Variants in CFAP43 observed in about 807,000 individuals in gnomAD.
The protein encoded by CFAP43 is cilia- and flagella-associated protein 43.
In CFAP43, 155 loss-of-function variants were observed where a neutral mutation model predicts 218.9. That is an observed-to-expected ratio of 0.71 (90% confidence interval 0.62 to 0.81). The LOEUF is 0.81. CFAP43 is among the 30% of genes least tolerant of loss of function. The probability of loss-of-function intolerance (pLI) is 0.00; values close to 1 mark genes in which losing one functional copy is unlikely to be tolerated. For synonymous variants in CFAP43, 645 were observed against 681.3 expected (o/e 0.95, Z 0.83); for missense variants, 1,778 against 1,954.3 (o/e 0.91, Z 1.70).
intron 20 of CFAP43, among the ~76,000 whole-genome samples, chr10:104,172,043 C>CAGTGAGTACAGGAAGAAAGATTTCA (rs1388576722): frequency 1.3e-5 from 2 of 152,176 alleles, no homozygotes; most frequent in Non-Finnish European, 2.9e-5. Flanking sequence ...GTAGAAGGAT[C>CAGTGAGTACAGGAAGAAAGATTTCA]AGTGAGTACA....
In CFAP43 at chr10:104,129,909, G is replaced by T; in HGVS notation, c.*230C>A. 1 of 420,708 alleles carries T rather than the reference G, an allele frequency of 2.4e-6. No individual in the cohort carries two copies. The highest frequency in any genetic ancestry group is 4.1e-6 in the Non-Finnish European group (1 of 243,422). The allele number at this position is 420,708 out of a possible 1,614,324, so 26.1% of individuals were successfully genotyped here. On this transcript the variant is annotated 3_prime_UTR_variant, in exon 38 of 38. Transcript: ENST00000357060. ...TGAATACTTTCTGACTTCAAGTCTT[G>T]TTTATTCTTGAATAAAAACAGCAAT...
chr10:104,203,902 C>T, intron 7 of CFAP43, 99 bp from the exon 8 acceptor site: 1 of 1,079,924 alleles, frequency 9.3e-7, no homozygotes, highest in South Asian at 2.5e-5. Context: ...ACTTCTACTG[C>T]TTATTTGGAA....
chr10:104,177,168 A>AGGGGGTCCTGGTAG (rs2089660074), intron 19 of CFAP43, among the ~76,000 whole-genome samples: 1 of 152,212 alleles, frequency 6.6e-6, no homozygotes, highest in Non-Finnish European at 1.5e-5. Context: ...ACATGGAAGA[A>AGGGGGTCCTGGTAG]GAAAACACCT....
chr10:104,217,835 C>T (rs566539680), intron 3 of CFAP43, among the ~76,000 whole-genome samples: 2 of 152,136 alleles, frequency 1.3e-5, no homozygotes, highest in Admixed American at 6.6e-5. Context: ...AGGAAGGGGA[C>T]TTTCTCTCAA....
chr10:104,152,875 T>C (rs558857961), intron 27 of CFAP43, 149 bp from the exon 28 acceptor site: 170 of 772,546 alleles, frequency 2.2e-4, no homozygotes, highest in Middle Eastern at 1.9e-3. Flanking sequence ...CCAGAGATGC[T>C]CCCACTTGGA....
chr10:104,209,505 T>G (rs78224674), intron 5 of CFAP43, among the ~76,000 whole-genome samples: 68 of 152,346 alleles, frequency 4.5e-4, no homozygotes, highest in African/African-American at 1.5e-3. Context: ...ATGTCTATTA[T>G]GAGCATTTTA....
Position 104,212,100 on chromosome 10 carries a change from G to GA in CFAP43, c.641dup (p.Gln216ProfsTer34). On this transcript the variant is annotated frameshift_variant, in exon 5 of 38. Transcript: ENST00000357060. LOFTEE classifies it high-confidence loss of function. ...TGAGATCTTTCGGCAACGACTGGGG[G>GA]AAAACGACATCCGTTTCATTAAAAA... is the stretch of plus-strand genomic sequence containing the variant. 6.2e-7 allele frequency: 1 copy of GA among 1,613,912 alleles called. No homozygotes were observed. Among genetic ancestry groups the GA allele is most frequent in the Non-Finnish European group, 8.5e-7 (1 of 1,179,942 alleles).
Position 104,203,608 on chromosome 10 carries a change from T to C in CFAP43, c.1095+64A>G, listed in dbSNP as rs1429601326. 7 of 1,469,722 alleles carry C rather than the reference T, an allele frequency of 4.8e-6. No individual in the cohort carries two copies. In the Admixed American group the frequency reaches 8.1e-5, roughly 17 times the overall value. The allele number at this position is 1,469,722 out of a possible 1,614,324, so 91.0% of individuals were successfully genotyped here. A position where few individuals can be genotyped will look rare whatever the true frequency, so the allele number is the denominator to read the frequency against. ...CAGCATACTCTGCTCCTCATTCCTG[T>C]CATGTAATGATGATAATAATACTAT... On this transcript the variant is annotated intron_variant, in intron 8 of 37. Coordinates refer to ENST00000357060, the MANE Select transcript of CFAP43 (RefSeq NM_025145.7).
At chr10:104,197,547 A>AAAT (rs1474991918) in intron 9 of CFAP43, among the ~76,000 whole-genome samples, 3 of 152,260 alleles carry the variant, frequency 2.0e-5, no homozygotes, top group Admixed American at 6.5e-5. Flanking sequence ...GATACTAAAT[A>AAAT]AATACTAACA....
chr10:104,201,406 T>A (rs140708052), intron 8 of CFAP43, among the ~76,000 whole-genome samples: 1,759 of 152,300 alleles, frequency 0.012, 25 homozygotes, highest in African/African-American at 0.036. Context: ...TTTCTCTTTT[T>A]TACCTTGTTT....
intron 5 of CFAP43, among the ~76,000 whole-genome samples, chr10:104,208,079 T>C (rs961460592): frequency 5.3e-5 from 8 of 152,188 alleles, no homozygotes; most frequent in Non-Finnish European, 8.8e-5. Context: ...GGTCACCCAG[T>C]GGATCAAGAA....
At chr10:104,200,506 C>T (rs981274449) in intron 8 of CFAP43, among the ~76,000 whole-genome samples, 1 of 151,802 alleles carries the variant, frequency 6.6e-6, no homozygotes, top group Non-Finnish European at 1.5e-5. Flanking sequence ...CCCATCTTTA[C>T]TAAGAATACA....
intron 1 of CFAP43, 101 bp downstream of exon 1, chr10:104,232,081 G>T (rs2091464576): frequency 7.2e-7 from 1 of 1,397,046 alleles, no homozygotes; most frequent in Non-Finnish European, 9.7e-7. Flanking sequence ...AAGCTGCGGG[G>T]AAAGCCGCCC....
At chr10:104,153,373 A>G (rs2088372597) in intron 27 of CFAP43, among the ~76,000 whole-genome samples, 1 of 152,198 alleles carries the variant, frequency 6.6e-6, no homozygotes, top group Admixed American at 6.5e-5. Context: ...GTCAACAATC[A>G]CTTAACTGTA....
Position 104,162,364 on chromosome 10 carries a change from TG to T in CFAP43, c.3285del (p.Glu1097AsnfsTer2), listed in dbSNP as rs2088925055. 6.2e-7 allele frequency: 1 copy of T among 1,614,102 alleles called. No homozygotes were observed. Among genetic ancestry groups the T allele is most frequent in the Non-Finnish European group, 8.5e-7 (1 of 1,180,024 alleles). On this transcript the variant is annotated frameshift_variant, in exon 25 of 38. Transcript: ENST00000357060. LOFTEE classifies it high-confidence loss of function. Reference protein sequence around the residue: ...AHKHIKPWHKAKELIVNHEKE... With the variant: ...AHKHIKPWHKXKELIVNHEKE... ...TTTTCATGATTCACGATCAATTCTT[TG>T]GCTTTGTGCCACGGCTTAATGTGTT...
chr10:104,227,119 ATTATC>A (rs1396432174), intron 2 of CFAP43, among the ~76,000 whole-genome samples: 1 of 152,060 alleles, frequency 6.6e-6, no homozygotes, highest in Non-Finnish European at 1.5e-5. Flanking sequence ...CCATTTTATC[ATTATC>A]TTAACACTTC....
At chr10:104,190,989 G>A (rs2134908776) in intron 12 of CFAP43, among the ~76,000 whole-genome samples, 1 of 152,340 alleles carries the variant, frequency 6.6e-6, no homozygotes, top group East Asian at 1.9e-4. Flanking sequence ...GAGACATGCT[G>A]AGGGCTTAGA....
rs1476148852 is a variant in CFAP43, at chr10:104,203,794, C to T, written c.973G>A (p.Val325Met). The change falls in exon 8 of 38, where the codon GTG becomes ATG. Residue 325 changes from valine (V) to methionine (M), a missense_variant. Val to Met is a conservative substitution (Grantham distance 21). This residue lies in a region of CFAP43 where 1,553 missense variants were observed against 1,685.2 expected (regional missense o/e 0.92). Coordinates refer to ENST00000357060, the MANE Select transcript of CFAP43 (RefSeq NM_025145.7). Reference protein sequence around the residue: ...GVLASGIDGFVYSFIIKDRSY... With the variant: ...GVLASGIDGFMYSFIIKDRSY... ...CTATCTTTAATAATAAAAGAATACA[C>T]AAAGCCATCCTAGAGATGAGTGAGA... The T allele has an allele frequency of 1.2e-6, 2 of 1,602,828 alleles. No individual in the cohort carries two copies. The highest frequency in any genetic ancestry group is 2.3e-5 in the South Asian group (2 of 88,440).
At chr10:104,132,606 C>T (rs1007886002) in intron 35 of CFAP43, 6 of 981,990 alleles carry the variant, frequency 6.1e-6, no homozygotes, top group Non-Finnish European at 7.3e-6. Flanking sequence ...AAGAGCAAAA[C>T]CCCATCTCAA....
Sources: allele counts gnomAD v4.1 joint callset (sites outside exome capture counted in the v4.1 genomes callset), GRCh38; gene constraint gnomAD v4.1.1; regional missense constraint gnomAD v4.1.1; transcripts MANE v1.5; gene names NCBI Gene and HGNC (gene_info 2026-07-23, HGNC 2026-07-21).